RIT2: variants seen among roughly 807,000 people sequenced by gnomAD.
RIT2 encodes the protein GTP-binding protein Rit2.
A neutral mutation model predicts 23.7 loss-of-function variants in RIT2; 24 were observed. The observed-to-expected ratio is 1.01, with a 90% confidence interval of 0.73 to 1.43. The LOEUF is 1.43. Among genes scored for constraint, RIT2 ranks in the 40% most tolerant of loss-of-function variants. The pLI is 0.00. For synonymous variants in RIT2, 107 were observed against 91.1 expected (o/e 1.17, Z -0.99); for missense variants, 236 against 266.9 (o/e 0.88, Z 0.81).
intron 4 of RIT2, among the ~76,000 whole-genome samples, chr18:42,837,260 C>T (rs558111711): frequency 1.6e-4 from 23 of 146,706 alleles, no homozygotes; most frequent in Non-Finnish European, 3.0e-4. Context: ...CTCCAGCTCC[C>T]GGGCTCACGC....
At chr18:42,791,065 G>T (rs1422513201) in intron 4 of RIT2, among the ~76,000 whole-genome samples, 1 of 152,116 alleles carries the variant, frequency 6.6e-6, no homozygotes, top group African/African-American at 2.4e-5. Context: ...CATAGAATAA[G>T]CAATCTAATG....
chr18:42,921,070 C>T (rs1051574680), intron 4 of RIT2, among the ~76,000 whole-genome samples: 9 of 152,166 alleles, frequency 5.9e-5, no homozygotes, highest in African/African-American at 1.9e-4. Flanking sequence ...AAGTCAATTG[C>T]TATCAATATA....
Position 43,016,373 on chromosome 18 carries a change from T to C in RIT2, c.160+17438A>G, listed in dbSNP as rs528019562. ...AGCTTCAAAACAGTTTCATTTTTGTTTTTAAAAATAAATATGGCTGGCATT... is the reference window on the plus strand; with the variant it reads ...AGCTTCAAAACAGTTTCATTTTTGTCTTTAAAAATAAATATGGCTGGCATT... On this transcript the variant is annotated intron_variant, in intron 2 of 4. Coordinates refer to ENST00000326695, the MANE Select transcript of RIT2 (RefSeq NM_002930.4). 5.3e-4 allele frequency among the ~76,000 whole-genome samples: 81 copies of C among 151,968 alleles called. 1 individual carries two copies. The highest frequency in any genetic ancestry group is 2.9e-3 in the South Asian group (14 of 4,830).
chr18:42,926,444 T>C (rs1222726502), intron 3 of RIT2, among the ~76,000 whole-genome samples: 1 of 151,988 alleles, frequency 6.6e-6, no homozygotes, highest in African/African-American at 2.4e-5. Flanking sequence ...GTTGTTCAAC[T>C]GTATATTGTT....
At chr18:43,095,215 C>A (rs1913524127) in intron 1 of RIT2, among the ~76,000 whole-genome samples, 1 of 152,110 alleles carries the variant, frequency 6.6e-6, no homozygotes, top group African/African-American at 2.4e-5. Flanking sequence ...ACATCCTCTA[C>A]AGCATCTGTT....
chr18:42,791,463 CTT>C (rs1335714438), intron 4 of RIT2, among the ~76,000 whole-genome samples: 3 of 152,120 alleles, frequency 2.0e-5, no homozygotes, highest in African/African-American at 7.2e-5. Flanking sequence ...CATAATAAAA[CTT>C]TTGCAAGTAC....
intron 1 of RIT2, among the ~76,000 whole-genome samples, chr18:43,047,749 T>C (rs1912282116): frequency 6.6e-6 from 1 of 152,148 alleles, no homozygotes; most frequent in East Asian, 1.9e-4. Flanking sequence ...CAGGGAGCCA[T>C]GAAATGGAGC....
chr18:42,911,406 A>G (rs916466123), intron 4 of RIT2, among the ~76,000 whole-genome samples: 6 of 152,060 alleles, frequency 3.9e-5, no homozygotes, highest in Non-Finnish European at 7.4e-5. Flanking sequence ...AATCAATAAA[A>G]TCGGTAAACT....
intron 4 of RIT2, among the ~76,000 whole-genome samples, chr18:42,773,835 C>A (rs1422799472): frequency 6.6e-6 from 1 of 152,064 alleles, no homozygotes; most frequent in East Asian, 1.9e-4. Flanking sequence ...ACTAGATATA[C>A]CATGTCTATC....
intron 2 of RIT2, among the ~76,000 whole-genome samples, chr18:42,977,305 TG>T (rs1254093121): frequency 2.0e-5 from 3 of 152,068 alleles, no homozygotes; most frequent in African/African-American, 7.2e-5. Context: ...CTCCTGAAAC[TG>T]GAAGTCATAA....
At chr18:43,090,301 C>G (rs987200354) in intron 1 of RIT2, among the ~76,000 whole-genome samples, 4 of 152,062 alleles carry the variant, frequency 2.6e-5, no homozygotes, top group Non-Finnish European at 5.9e-5. Flanking sequence ...TAGAGAAATG[C>G]AAATCAAAAT....
chr18:42,913,944 T>C (rs1044386374), intron 4 of RIT2, among the ~76,000 whole-genome samples: 1 of 152,046 alleles, frequency 6.6e-6, no homozygotes, highest in African/African-American at 2.4e-5. Flanking sequence ...CAAAACATCA[T>C]GTTGTACCTG....
chr18:42,959,704 T>C (rs1209372677), intron 3 of RIT2, among the ~76,000 whole-genome samples: 1 of 152,228 alleles, frequency 6.6e-6, no homozygotes, highest in Non-Finnish European at 1.5e-5. Context: ...AACTGTAGCA[T>C]TAATAAAAGT....
intron 1 of RIT2, among the ~76,000 whole-genome samples, chr18:43,077,584 C>G (rs1195884492): frequency 1.3e-5 from 2 of 152,182 alleles, no homozygotes; most frequent in Non-Finnish European, 2.9e-5. Flanking sequence ...GACTCCAGTT[C>G]TTGTCCAGGA....
chr18:42,870,768 T>C (rs1907600300), intron 4 of RIT2, among the ~76,000 whole-genome samples: 1 of 151,682 alleles, frequency 6.6e-6, no homozygotes, highest in Non-Finnish European at 1.5e-5. Context: ...GCTGAGATGA[T>C]AAGAAAAAAA....
At chr18:42,846,149 G>A (rs183461037) in intron 4 of RIT2, among the ~76,000 whole-genome samples, 1 of 152,012 alleles carries the variant, frequency 6.6e-6, no homozygotes, top group East Asian at 1.9e-4. Flanking sequence ...GCAAAAAAGA[G>A]AGATAGCAGA....
intron 3 of RIT2, among the ~76,000 whole-genome samples, chr18:42,936,502 T>C (rs1909462287): frequency 6.6e-6 from 1 of 152,200 alleles, no homozygotes. Flanking sequence ...GGAACCATTC[T>C]GAGTAATGTT....
At chr18:43,024,786 T>A (rs1911673322) in intron 2 of RIT2, among the ~76,000 whole-genome samples, 1 of 151,070 alleles carries the variant, frequency 6.6e-6, no homozygotes. Flanking sequence ...TAAAAAGACT[T>A]TTTTTTTTCA....
chr18:42,973,682 C>A (rs943302462), intron 3 of RIT2, among the ~76,000 whole-genome samples: 1 of 151,722 alleles, frequency 6.6e-6, no homozygotes, highest in Non-Finnish European at 1.5e-5. Context: ...TCACTTATTC[C>A]ATCAGGTTCC....
Sources: gnomAD v4.1 joint callset for allele counts (sites outside exome capture counted in the v4.1 genomes callset) on GRCh38, gnomAD v4.1.1 for gene constraint, MANE v1.5 for transcripts, NCBI Gene and HGNC (gene_info 2026-07-23, HGNC 2026-07-21) for gene names.